DAP: variants seen among roughly 807,000 people sequenced by gnomAD.
DAP encodes the protein death associated protein.
A neutral mutation model predicts 13.8 loss-of-function variants in DAP; 8 were observed. The ratio of observed to expected loss-of-function variants is 0.58; its 90% confidence interval spans 0.34 to 1.05. The LOEUF (loss-of-function observed/expected upper bound fraction) is 1.05, where lower values mean the gene tolerates loss of function less well. DAP is among the 50% of genes least tolerant of loss of function. DAP has a pLI of 0.03. For synonymous variants in DAP, 47 were observed against 47.5 expected, an observed-to-expected ratio of 0.99 and a Z score of 0.04; for missense variants, 106 against 133.2, an observed-to-expected ratio of 0.80 and a Z score of 1.01.
intron 1 of DAP, among the ~76,000 whole-genome samples, chr5:10,759,350 G>A (rs1316655466): frequency 5.3e-5 from 8 of 152,150 alleles, no homozygotes; most frequent in African/African-American, 9.7e-5. Context: ...AGCCCTGCCC[G>A]GGGTGGAAAT....
At chr5:10,714,360 T>G (rs2126654189) in intron 2 of DAP, among the ~76,000 whole-genome samples, 1 of 152,318 alleles carries the variant, frequency 6.6e-6, no homozygotes. Context: ...TATATCACAT[T>G]CCTGTTGTTG....
intron 2 of DAP, among the ~76,000 whole-genome samples, chr5:10,743,849 G>A (rs1739831322): frequency 6.6e-6 from 1 of 152,112 alleles, no homozygotes; most frequent in East Asian, 1.9e-4. Context: ...CCAGTAACTA[G>A]AACTCAGGTT....
At chr5:10,714,515 G>A (rs1185378721) in intron 2 of DAP, among the ~76,000 whole-genome samples, 2 of 151,736 alleles carry the variant, frequency 1.3e-5, no homozygotes, top group Admixed American at 6.6e-5. Flanking sequence ...TACTTCTTAC[G>A]GCAAGAAAAC....
chr5:10,746,272 G>A (rs1462302104), intron 2 of DAP, among the ~76,000 whole-genome samples: 1 of 151,560 alleles, frequency 6.6e-6, no homozygotes, highest in Admixed American at 6.6e-5. Flanking sequence ...ATGCTGTTAC[G>A]TTCCAAACAT....
intron 2 of DAP, among the ~76,000 whole-genome samples, chr5:10,722,682 C>G (rs945478144): frequency 5.9e-5 from 9 of 151,354 alleles, no homozygotes; most frequent in Non-Finnish European, 1.0e-4. Flanking sequence ...ATGCTGGCTG[C>G]TATACCCTGC....
chr5:10,738,690 A>C (rs2126671960), intron 2 of DAP, among the ~76,000 whole-genome samples: 1 of 152,392 alleles, frequency 6.6e-6, no homozygotes, highest in Middle Eastern at 3.4e-3. Context: ...ATAATCCTGG[A>C]CTGAAATTTG....
At chr5:10,750,656 C>T (rs1256047367) in intron 1 of DAP, among the ~76,000 whole-genome samples, 1 of 152,136 alleles carries the variant, frequency 6.6e-6, no homozygotes, top group Non-Finnish European at 1.5e-5. Flanking sequence ...TTATTCTTTT[C>T]TTGTGCGTTC....
intron 2 of DAP, among the ~76,000 whole-genome samples, chr5:10,718,936 C>T (rs571261239): frequency 5.4e-4 from 82 of 152,318 alleles, no homozygotes; most frequent in Admixed American, 1.6e-3. Context: ...CACACTGGTC[C>T]ATTACATTGA....
At chr5:10,716,855 G>A (rs1049009832) in intron 2 of DAP, among the ~76,000 whole-genome samples, 1 of 152,208 alleles carries the variant, frequency 6.6e-6, no homozygotes, top group Non-Finnish European at 1.5e-5. Flanking sequence ...AGGAGTGGTT[G>A]TAGAGGAACA....
chr5:10,703,761 A>T (rs183270302), intron 2 of DAP, among the ~76,000 whole-genome samples: 237 of 152,318 alleles, frequency 1.6e-3, no homozygotes, highest in African/African-American at 5.4e-3. Context: ...TTCTTTACAC[A>T]GCAGCCTGGG....
At position 10,684,013 on chromosome 5, in the gene DAP, A is replaced by T. The variant is rs544282044; in HGVS notation, c.153-442T>A. Among the ~76,000 whole-genome samples, 20 of 152,272 alleles carry T rather than the reference A, an allele frequency of 1.3e-4. No individual in the cohort carries two copies. In the South Asian group the frequency reaches 4.1e-3, roughly 32 times the overall value. ...TATTTTCTTTTATTTTTGTAGAGAC[A>T]GGGTCTTGCTATGTTGCCCAGGCTA... On this transcript the variant is annotated intron_variant, in intron 2 of 3. Coordinates refer to ENST00000230895, the MANE Select transcript of DAP (RefSeq NM_004394.3).
chr5:10,697,949 C>T (rs988144751), intron 2 of DAP, among the ~76,000 whole-genome samples: 3 of 152,266 alleles, frequency 2.0e-5, no homozygotes, highest in East Asian at 1.9e-4. Flanking sequence ...CACAGAGCTA[C>T]GCATCTAGCA....
intron 2 of DAP, among the ~76,000 whole-genome samples, chr5:10,708,819 G>A (rs1374463850): frequency 6.6e-6 from 1 of 152,170 alleles, no homozygotes; most frequent in African/African-American, 2.4e-5. Flanking sequence ...CTCTAACTAG[G>A]GTGCAGGAGC....
At chr5:10,682,530 A>G (rs901747811) in intron 3 of DAP, among the ~76,000 whole-genome samples, 11 of 151,088 alleles carry the variant, frequency 7.3e-5, no homozygotes, top group African/African-American at 2.4e-4. Flanking sequence ...GCTCCAGGCC[A>G]GCGCCCACCA....
At chr5:10,708,176 C>T (rs1392865663) in intron 2 of DAP, among the ~76,000 whole-genome samples, 2 of 152,178 alleles carry the variant, frequency 1.3e-5, no homozygotes, top group Admixed American at 1.3e-4. Context: ...ATTATTAATT[C>T]TTCTCTACTC....
At chr5:10,731,705 A>G (rs1344412926) in intron 2 of DAP, among the ~76,000 whole-genome samples, 3 of 152,238 alleles carry the variant, frequency 2.0e-5, no homozygotes, top group Non-Finnish European at 4.4e-5. Flanking sequence ...AGGGATAGGC[A>G]GGTCACCTGA....
At chr5:10,699,935 T>C (rs1738525362) in intron 2 of DAP, among the ~76,000 whole-genome samples, 2 of 152,256 alleles carry the variant, frequency 1.3e-5, no homozygotes, top group South Asian at 2.1e-4. Context: ...AAGATATCTA[T>C]GTGCCCTGTT....
At chr5:10,709,876 G>A (rs1301796895) in intron 2 of DAP, among the ~76,000 whole-genome samples, 2 of 152,212 alleles carry the variant, frequency 1.3e-5, no homozygotes, top group Non-Finnish European at 2.9e-5. Context: ...GGGCAATGAT[G>A]TCCTGGGACC....
intron 2 of DAP, among the ~76,000 whole-genome samples, chr5:10,694,579 CCT>C (rs1738388238): frequency 6.6e-6 from 1 of 152,128 alleles, no homozygotes; most frequent in African/African-American, 2.4e-5. Flanking sequence ...CAAATCAAAC[CCT>C]CTGTCAGTGC....
Sources: gnomAD v4.1 joint callset for allele counts (sites outside exome capture counted in the v4.1 genomes callset) on GRCh38, gnomAD v4.1.1 for gene constraint, MANE v1.5 for transcripts, NCBI Gene and HGNC (gene_info 2026-07-23, HGNC 2026-07-21) for gene names.